The following WDR72 variants were observed in gnomAD, a reference collection of about 807,000 sequenced individuals.
WDR72 encodes WD repeat-containing protein 72.
Under a neutral mutation model 124.2 loss-of-function variants are expected in WDR72, and 120 were observed. That is an observed-to-expected ratio of 0.97 (90% CI 0.83 to 1.12). The LOEUF is 1.12. Ranked by LOEUF, WDR72 falls within the 50% of genes most tolerant of loss-of-function variation. The pLI, the probability that WDR72 is intolerant of heterozygous loss-of-function variation, is 0.00. For synonymous variants in WDR72, 452 were observed against 441.7 expected, an observed-to-expected ratio of 1.02 and a Z score of -0.29; for missense variants, 1,387 against 1,278.8, an observed-to-expected ratio of 1.08 and a Z score of -1.29.
chr15:53,642,964 G>C (rs2014908243), intron 14 of WDR72, among the ~76,000 whole-genome samples: 1 of 151,976 alleles, frequency 6.6e-6, no homozygotes, highest in African/African-American at 2.4e-5. Context: ...ATTAGTGATG[G>C]AGAGTCCTAT....
chr15:53,630,481 A>T (rs2014383090), intron 14 of WDR72, among the ~76,000 whole-genome samples: 1 of 152,196 alleles, frequency 6.6e-6, no homozygotes, highest in Non-Finnish European at 1.5e-5. Context: ...TTCACAAAGC[A>T]AATCTACCAA....
At chr15:53,735,640 TCTCA>T (rs139633472) in intron 1 of WDR72, among the ~76,000 whole-genome samples, 8,343 of 152,196 alleles carry the variant, frequency 0.055, 771 homozygotes, top group African/African-American at 0.19. Flanking sequence ...TGAAAGACAC[TCTCA>T]CTATCAAGAG....
intron 14 of WDR72, among the ~76,000 whole-genome samples, chr15:53,664,474 G>A (rs2015711431): frequency 6.6e-6 from 1 of 151,438 alleles, no homozygotes; most frequent in Non-Finnish European, 1.5e-5. Flanking sequence ...TTGAGGCATG[G>A]CTTTAATGGC....
At chr15:53,672,574 T>G (rs1201187537) in intron 13 of WDR72, among the ~76,000 whole-genome samples, 1 of 152,152 alleles carries the variant, frequency 6.6e-6, no homozygotes, top group African/African-American at 2.4e-5. Flanking sequence ...TCTTGCAATA[T>G]CAGGCTGTCT....
chr15:53,662,892 T>C (rs140719353), intron 14 of WDR72, among the ~76,000 whole-genome samples: 1 of 151,952 alleles, frequency 6.6e-6, no homozygotes, highest in East Asian at 2.0e-4. Context: ...AAATGAGATC[T>C]TGCCTGTAAT....
chr15:53,663,929 T>C (rs2015691785), intron 14 of WDR72, among the ~76,000 whole-genome samples: 1 of 140,662 alleles, frequency 7.1e-6, no homozygotes, highest in Non-Finnish European at 1.5e-5. Flanking sequence ...AAGTTAAGAA[T>C]AGGAAAAATA....
At chr15:53,640,927 A>G (rs182024039) in intron 14 of WDR72, among the ~76,000 whole-genome samples, 4,658 of 151,846 alleles carry the variant, frequency 0.031, 91 homozygotes, top group Non-Finnish European at 0.037. Context: ...ATTTTTTTCA[A>G]GTCTGTTATA....
intron 18 of WDR72, among the ~76,000 whole-genome samples, chr15:53,556,026 T>A (rs1355474801): frequency 1.3e-5 from 2 of 152,150 alleles, no homozygotes; most frequent in Non-Finnish European, 2.9e-5. Context: ...TACAGTAAAA[T>A]CTTTAAACAC....
intron 18 of WDR72, among the ~76,000 whole-genome samples, chr15:53,562,675 T>C (rs1352444224): frequency 6.6e-6 from 1 of 151,792 alleles, no homozygotes; most frequent in Non-Finnish European, 1.5e-5. Flanking sequence ...ATATAAATGA[T>C]GTTAATAAGA....
chr15:53,660,274 A>G (rs1220310636), intron 14 of WDR72, among the ~76,000 whole-genome samples: 1 of 152,144 alleles, frequency 6.6e-6, no homozygotes, highest in Admixed American at 6.6e-5. Context: ...AATAAAAACC[A>G]TGGTAACATG....
chr15:53,614,884 G>A (rs1187492746), intron 15 of WDR72, among the ~76,000 whole-genome samples: 1 of 151,936 alleles, frequency 6.6e-6, no homozygotes, highest in East Asian at 1.9e-4. Context: ...ACTGTACTAT[G>A]TATAAATGAA....
chr15:53,729,685 T>G (rs992694178), intron 2 of WDR72, among the ~76,000 whole-genome samples: 6 of 152,134 alleles, frequency 3.9e-5, no homozygotes, highest in African/African-American at 1.4e-4. Flanking sequence ...GTTTGCAAAC[T>G]CACCTTCAAC....
chr15:53,572,680 A>G (rs1894586488), intron 18 of WDR72, among the ~76,000 whole-genome samples: 1 of 152,188 alleles, frequency 6.6e-6, no homozygotes, highest in Admixed American at 6.5e-5. Flanking sequence ...TTTCCTAAAC[A>G]GACAGGAGCC....
intron 1 of WDR72, among the ~76,000 whole-genome samples, chr15:53,747,262 A>C (rs2018665250): frequency 6.6e-6 from 1 of 152,180 alleles, no homozygotes; most frequent in Non-Finnish European, 1.5e-5. Flanking sequence ...TAAAAAAATA[A>C]ATTTTATGAG....
intron 9 of WDR72, among the ~76,000 whole-genome samples, chr15:53,706,368 A>ACG (rs1199325634): frequency 1.6e-4 from 8 of 50,268 alleles, no homozygotes; most frequent in East Asian, 1.5e-3. Flanking sequence ...ATATATATAT[A>ACG]TATATATATA....
chr15:53,638,519 A>C (rs1371652614), intron 14 of WDR72, among the ~76,000 whole-genome samples: 1 of 152,190 alleles, frequency 6.6e-6, no homozygotes, highest in East Asian at 1.9e-4. Context: ...TTGGTACTTT[A>C]ACATATAAAA....
At chr15:53,584,000 G>A (rs188062681) in intron 18 of WDR72, among the ~76,000 whole-genome samples, 3 of 152,026 alleles carry the variant, frequency 2.0e-5, no homozygotes, top group East Asian at 3.9e-4. Context: ...CCTGGAAAAT[G>A]TCTAAGAACA....
intron 1 of WDR72, among the ~76,000 whole-genome samples, chr15:53,735,860 A>G (rs2018338574): frequency 6.6e-6 from 1 of 152,098 alleles, no homozygotes; most frequent in Non-Finnish European, 1.5e-5. Flanking sequence ...AGATGAAATT[A>G]AAAACCCAAA....
chr15:53,554,006 T>C (rs1893833673), intron 18 of WDR72, among the ~76,000 whole-genome samples: 1 of 152,198 alleles, frequency 6.6e-6, no homozygotes, highest in Non-Finnish European at 1.5e-5. Flanking sequence ...TTCTTTTTGA[T>C]AAATATCCTA....
Sources: gnomAD v4.1 joint callset for allele counts (sites outside exome capture counted in the v4.1 genomes callset) on GRCh38, gnomAD v4.1.1 for gene constraint, MANE v1.5 for transcripts, NCBI Gene and HGNC (gene_info 2026-07-23, HGNC 2026-07-21) for gene names.